The following L3MBTL4 variants were observed in gnomAD, a reference collection of about 807,000 sequenced individuals.
The protein encoded by L3MBTL4 is lethal(3)malignant brain tumor-like protein 4.
L3MBTL4 carries 70 observed loss-of-function variants against 84.5 expected under a neutral mutation model. That is an observed-to-expected ratio of 0.83 (90% CI 0.68 to 1.01). The LOEUF (loss-of-function observed/expected upper bound fraction) is 1.01. Ranked by LOEUF, L3MBTL4 falls within the 50% of genes least tolerant of loss-of-function variation. The probability of loss-of-function intolerance (pLI) is 0.00; values close to 1 mark genes in which losing one functional copy is unlikely to be tolerated. For missense variants in L3MBTL4, 715 were observed against 754.8 expected (o/e 0.95, Z 0.62); for synonymous variants, 274 against 259.8 (o/e 1.05, Z -0.52).
intron 1 of L3MBTL4, among the ~76,000 whole-genome samples, chr18:6,338,994 T>C (rs2052477731): frequency 2.0e-5 from 3 of 152,134 alleles, no homozygotes; most frequent in Non-Finnish European, 4.4e-5. Context: ...TAACAGAATT[T>C]CAAAACATGT....
chr18:6,278,669 A>C (rs370341385), intron 4 of L3MBTL4, among the ~76,000 whole-genome samples: 1 of 152,094 alleles, frequency 6.6e-6, no homozygotes, highest in South Asian at 2.1e-4. Context: ...CTGTTCTTTT[A>C]AAGATAAAGA....
In L3MBTL4 at chr18:6,275,861, C is replaced by T. The variant is rs564118649; in HGVS notation, c.128-11823G>A. Among the ~76,000 whole-genome samples, 7 of 152,300 alleles carry T rather than the reference C, an allele frequency of 4.6e-5. No homozygotes were observed. In the South Asian group the frequency reaches 6.2e-4, roughly 14 times the overall value. On this transcript the variant is annotated intron_variant, in intron 4 of 18. Transcript: ENST00000317931. The stretch of plus-strand genomic sequence containing the variant: ...TGTGAAAGGAAAAGAAAACTCAGGA[C>T]CCCACAATCACTAAGCCAAAGGGAA...
chr18:6,023,112 C>T (rs1456831905), intron 16 of L3MBTL4, among the ~76,000 whole-genome samples: 1 of 152,182 alleles, frequency 6.6e-6, no homozygotes, highest in Non-Finnish European at 1.5e-5. Context: ...ACAGTGAGGT[C>T]GCTCCCTGGG....
At chr18:6,077,159 A>G (rs1185912131) in intron 16 of L3MBTL4, among the ~76,000 whole-genome samples, 1 of 152,220 alleles carries the variant, frequency 6.6e-6, no homozygotes, top group East Asian at 1.9e-4. Flanking sequence ...CTCTATGTTC[A>G]TGCATTATTT....
In L3MBTL4 at chr18:6,024,207, A is replaced by G. The variant is rs183415752; in HGVS notation, c.1445-54645T>C. ...ACTTCTTTGACAGCATTCTTTTGCA[A>G]TGTTCACAACTACCCTCACTTACGC... On this transcript the variant is annotated intron_variant, in intron 16 of 18. Coordinates refer to ENST00000317931, the MANE Select transcript of L3MBTL4 (RefSeq NM_001330559.2). Among the ~76,000 whole-genome samples, 21 of 152,286 alleles carry G rather than the reference A, an allele frequency of 1.4e-4. No individual in the cohort carries two copies. In the East Asian group the frequency reaches 2.7e-3, roughly 20 times the overall value.
chr18:6,122,460 G>A (rs1213304251), intron 14 of L3MBTL4, among the ~76,000 whole-genome samples: 1 of 152,216 alleles, frequency 6.6e-6, no homozygotes, highest in East Asian at 1.9e-4. Context: ...ATGTTCTCAT[G>A]AGAGTGAATA....
intron 16 of L3MBTL4, among the ~76,000 whole-genome samples, chr18:5,991,605 T>C (rs1018461934): frequency 3.3e-5 from 5 of 152,162 alleles, no homozygotes; most frequent in Non-Finnish European, 7.4e-5. Flanking sequence ...AGGAAGATCT[T>C]AGAGGTAAAA....
chr18:6,410,996 T>C (rs1182061291), intron 1 of L3MBTL4, among the ~76,000 whole-genome samples: 2 of 152,230 alleles, frequency 1.3e-5, no homozygotes, highest in African/African-American at 4.8e-5. Context: ...ACAACTCTGA[T>C]GGGCTCAGAG....
rs146605781 is a variant in L3MBTL4, at chr18:6,290,564, A to G, written c.127+11339T>C. Among the ~76,000 whole-genome samples the G allele has an allele frequency of 4.9e-3, 735 of 151,348 alleles. 12 individuals are homozygous for G. Among genetic ancestry groups the G allele is most frequent in the African/African-American group, 0.017 (700 of 41,194 alleles). On this transcript the variant is annotated intron_variant, in intron 4 of 18. Coordinates refer to ENST00000317931, the MANE Select transcript of L3MBTL4 (RefSeq NM_001330559.2). ...ATTTTTTGAGACAGAGTCTCGCTCT[A>G]TCACCCAGGTTGGAGAGCAGTGGTG...
At chr18:6,095,268 C>T (rs2058594752) in intron 14 of L3MBTL4, among the ~76,000 whole-genome samples, 1 of 151,866 alleles carries the variant, frequency 6.6e-6, no homozygotes, top group South Asian at 2.1e-4. Flanking sequence ...TTACCAAGGC[C>T]TTGTGGCACT....
intron 13 of L3MBTL4, among the ~76,000 whole-genome samples, chr18:6,160,622 C>G (rs2043291974): frequency 6.6e-6 from 1 of 151,190 alleles, no homozygotes; most frequent in South Asian, 2.1e-4. Flanking sequence ...TCCCAGCTAC[C>G]CAAGAGTATG....
At chr18:6,187,362 T>C (rs2044825716) in intron 12 of L3MBTL4, among the ~76,000 whole-genome samples, 1 of 152,176 alleles carries the variant, frequency 6.6e-6, no homozygotes, top group Non-Finnish European at 1.5e-5. Context: ...ATTCCAAAGT[T>C]TTCATTTAAA....
chr18:6,204,466 G>C (rs2045785638), intron 12 of L3MBTL4, among the ~76,000 whole-genome samples: 1 of 152,074 alleles, frequency 6.6e-6, no homozygotes, highest in Non-Finnish European at 1.5e-5. Context: ...TAAAGATCTT[G>C]CATATACCAC....
chr18:5,966,663 T>C (rs1480364922), intron 17 of L3MBTL4, among the ~76,000 whole-genome samples: 6 of 152,212 alleles, frequency 3.9e-5, no homozygotes, highest in Non-Finnish European at 8.8e-5. Flanking sequence ...TCACAGGGAC[T>C]GCTAACCATG....
At chr18:6,040,514 GCAAA>G (rs540033774) in intron 16 of L3MBTL4, among the ~76,000 whole-genome samples, 23 of 152,262 alleles carry the variant, frequency 1.5e-4, no homozygotes, top group South Asian at 1.2e-3. Context: ...ACTCCATACT[GCAAA>G]CAATTACTGA....
chr18:6,132,913 T>C lies in L3MBTL4; in HGVS notation c.1199+5281A>G, dbSNP rs181972091. On this transcript the variant is annotated intron_variant, in intron 14 of 18. Coordinates refer to ENST00000317931, the MANE Select transcript of L3MBTL4 (RefSeq NM_001330559.2). ...CTTTGCTGAAGTGGAAAGAGAGGCT[T>C]GTGTGAGATGCTCTGCTACCTTAAA... Among the ~76,000 whole-genome samples, 6 of 152,210 alleles carry C rather than the reference T, an allele frequency of 3.9e-5. No individual in the cohort carries two copies. The East Asian group carries it at 1.2e-3, about 29-fold the overall frequency.
At chr18:6,134,453 T>C (rs556140941) in intron 14 of L3MBTL4, among the ~76,000 whole-genome samples, 1 of 152,254 alleles carries the variant, frequency 6.6e-6, no homozygotes, top group East Asian at 1.9e-4. Context: ...CAAAGTCTCA[T>C]CTGAAACATA....
intron 16 of L3MBTL4, among the ~76,000 whole-genome samples, chr18:6,040,728 T>G (rs1311928923): frequency 1.3e-5 from 2 of 152,088 alleles, no homozygotes; most frequent in Non-Finnish European, 2.9e-5. Flanking sequence ...AGAACCTACA[T>G]TAGTCCTAGT....
intron 16 of L3MBTL4, among the ~76,000 whole-genome samples, chr18:6,054,640 T>TG (rs796091174): frequency 3.3e-5 from 5 of 152,336 alleles, no homozygotes; most frequent in African/African-American, 1.2e-4. Flanking sequence ...GTGCTGCCCT[T>TG]GCCTGGCACT....
Sources: gnomAD v4.1 joint callset for allele counts (sites outside exome capture counted in the v4.1 genomes callset) on GRCh38, gnomAD v4.1.1 for gene constraint, MANE v1.5 for transcripts, NCBI Gene and HGNC (gene_info 2026-07-23, HGNC 2026-07-21) for gene names.